The following KDM2A variants were observed in gnomAD, a reference collection of about 807,000 sequenced individuals.
The protein encoded by KDM2A is lysine demethylase 2A.
Under a neutral mutation model 137.3 loss-of-function variants are expected in KDM2A, and 3 were observed. The ratio of observed to expected loss-of-function variants is 0.02; its 90% CI spans 0.01 to 0.06. The LOEUF (loss-of-function observed/expected upper bound fraction) is 0.06, where lower values mean the gene tolerates loss of function less well. Ranked by LOEUF, KDM2A falls within the 10% of genes least tolerant of loss-of-function variation. The pLI is 1.00. For missense variants in KDM2A, 738 were observed against 1,510.6 expected, an observed-to-expected ratio of 0.49 and a Z score of 8.48; for synonymous variants, 512 against 541.5, an observed-to-expected ratio of 0.95 and a Z score of 0.76.
chr11:67,120,260 C>T (rs761334544), intron 1 of KDM2A, among the ~76,000 whole-genome samples: 1 of 152,218 alleles, frequency 6.6e-6, no homozygotes, highest in Non-Finnish European at 1.5e-5. Context: ...GCACGGTTTC[C>T]CTCCCGACTT....
At chr11:67,144,758 G>T (rs1028891536) in intron 2 of KDM2A, among the ~76,000 whole-genome samples, 3 of 150,922 alleles carry the variant, frequency 2.0e-5, no homozygotes, top group African/African-American at 7.3e-5. Context: ...GTAGTGATGG[G>T]TTTCTCCATG....
chr11:67,156,133 A>G (rs1470746894), intron 2 of KDM2A, among the ~76,000 whole-genome samples: 1 of 150,972 alleles, frequency 6.6e-6, no homozygotes, highest in Non-Finnish European at 1.5e-5. Flanking sequence ...CTGTAATCTC[A>G]GCTACTTGGG....
At chr11:67,213,119 G>A (rs1419449783) in intron 6 of KDM2A, among the ~76,000 whole-genome samples, 1 of 152,168 alleles carries the variant, frequency 6.6e-6, no homozygotes, top group Non-Finnish European at 1.5e-5. Context: ...CAGTGGTGAT[G>A]CTTTCTAAAC....
At chr11:67,130,465 C>T (rs906725853) in intron 2 of KDM2A, among the ~76,000 whole-genome samples, 1 of 152,112 alleles carries the variant, frequency 6.6e-6, no homozygotes, top group African/African-American at 2.4e-5. Flanking sequence ...CTGTTCTAAT[C>T]CTGTCCTAAA....
At chr11:67,203,185 TA>T (rs1410137380) in intron 5 of KDM2A, among the ~76,000 whole-genome samples, 1 of 152,082 alleles carries the variant, frequency 6.6e-6, no homozygotes, top group African/African-American at 2.4e-5. Flanking sequence ...TTAGCATTTT[TA>T]GCAATAAAGT....
chr11:67,181,484 A>G (rs1028330814), intron 4 of KDM2A, 86 bp downstream of exon 4: 3 of 784,240 alleles, frequency 3.8e-6, no homozygotes, highest in Non-Finnish European at 6.2e-6. Flanking sequence ...TTGATAACCC[A>G]AAACAATAGT....
intron 12 of KDM2A, among the ~76,000 whole-genome samples, chr11:67,234,971 C>G (rs1316408761): frequency 6.6e-6 from 1 of 151,604 alleles, no homozygotes; most frequent in Non-Finnish European, 1.5e-5. Flanking sequence ...ATGGTGAAAC[C>G]CCGTCTCTAG....
chr11:67,124,896 C>T (rs193294051), intron 2 of KDM2A, among the ~76,000 whole-genome samples: 2 of 147,978 alleles, frequency 1.4e-5, no homozygotes, highest in Admixed American at 6.7e-5. Flanking sequence ...CTTGCTCTGT[C>T]GCCCAGGCTG....
chr11:67,172,284 T>C (rs1490448917), intron 2 of KDM2A, among the ~76,000 whole-genome samples: 3 of 152,190 alleles, frequency 2.0e-5, no homozygotes, highest in Non-Finnish European at 4.4e-5. Flanking sequence ...TCCATATGAA[T>C]TTTAGGATCA....
At chr11:67,167,678 A>G (rs750828412) in intron 2 of KDM2A, among the ~76,000 whole-genome samples, 7 of 151,702 alleles carry the variant, frequency 4.6e-5, no homozygotes, top group African/African-American at 7.3e-5. Flanking sequence ...AATTCTGTAG[A>G]CACCTTCTAT....
chr11:67,227,025 C>A (rs903675858), intron 10 of KDM2A, among the ~76,000 whole-genome samples: 2 of 152,136 alleles, frequency 1.3e-5, no homozygotes, highest in Non-Finnish European at 2.9e-5. Flanking sequence ...ACTGATTAAT[C>A]TGTGCTGATT....
At chr11:67,234,254 C>G (rs1858803452) in intron 12 of KDM2A, among the ~76,000 whole-genome samples, 1 of 152,206 alleles carries the variant, frequency 6.6e-6, no homozygotes, top group African/African-American at 2.4e-5. Flanking sequence ...AATCACTGCA[C>G]AGCTGGGGAC....
intron 2 of KDM2A, among the ~76,000 whole-genome samples, chr11:67,122,762 G>C (rs952740177): frequency 6.6e-6 from 1 of 151,080 alleles, no homozygotes; most frequent in African/African-American, 2.4e-5. Flanking sequence ...TGCACGCTCC[G>C]CCTCCTGGGT....
chr11:67,222,885 A>G (rs901936841), intron 10 of KDM2A, among the ~76,000 whole-genome samples: 3 of 150,680 alleles, frequency 2.0e-5, no homozygotes, highest in Non-Finnish European at 4.4e-5. Flanking sequence ...CGTAAAGAGA[A>G]GAAAAATAAG....
intron 2 of KDM2A, among the ~76,000 whole-genome samples, chr11:67,160,828 C>T (rs767829941): frequency 2.6e-5 from 4 of 152,014 alleles, no homozygotes; most frequent in Admixed American, 6.6e-5. Flanking sequence ...CAAGAGCTAG[C>T]GGGGCACTGA....
chr11:67,157,317 CA>C (rs1228008293), intron 2 of KDM2A, among the ~76,000 whole-genome samples: 8 of 42,366 alleles, frequency 1.9e-4, no homozygotes, highest in Admixed American at 4.9e-4. Context: ...ACTCCCGTCT[CA>C]AAAAAAAAAA....
chr11:67,131,783 C>G (rs1469496540), intron 2 of KDM2A, among the ~76,000 whole-genome samples: 2 of 152,096 alleles, frequency 1.3e-5, no homozygotes, highest in East Asian at 3.8e-4. Context: ...TATTTGATAG[C>G]CAGTGTTTGA....
At chr11:67,179,930 A>C (rs945505141) in intron 2 of KDM2A, 149 bp from the exon 3 acceptor site, 1 of 698,616 alleles carries the variant, frequency 1.4e-6, no homozygotes, top group East Asian at 2.9e-5. Flanking sequence ...AATATCAGCT[A>C]TCTTGAGAGA....
At position 67,245,731 on chromosome 11, in the gene KDM2A, A is replaced by T; in HGVS notation, c.1834-254A>T. ...TGCTTTCTTTCCCCTCTTCAGGTAG[A>T]TTAGAAAGGACCGGGGAGGCCAAGT... On this transcript the variant is annotated intron_variant, in intron 14 of 20. Transcript: ENST00000529006. The surrounding 1 kb of genome is among the most constrained non-coding windows in gnomAD (Gnocchi z 4.1). The T allele has an allele frequency of 1.7e-6, 1 of 598,420 alleles. No individual in the cohort carries two copies. Among genetic ancestry groups the T allele is most frequent in the Non-Finnish European group, 2.9e-6 (1 of 344,730 alleles). 37.1% of individuals were successfully genotyped at this position (598,420 alleles called of 1,614,324 possible).
Sources: allele counts gnomAD v4.1 joint callset (sites outside exome capture counted in the v4.1 genomes callset), GRCh38; gene constraint gnomAD v4.1.1; non-coding constraint Gnocchi (gnomAD v3.1); transcripts MANE v1.5; gene names NCBI Gene and HGNC (gene_info 2026-07-23, HGNC 2026-07-21).